Variants in FHIT observed in about 807,000 individuals in gnomAD.
FHIT encodes fragile histidine triad diadenosine triphosphatase.
FHIT carries 19 observed loss-of-function variants against 17.9 expected under a neutral mutation model. The ratio of observed to expected loss-of-function variants is 1.06; its 90% CI spans 0.74 to 1.56. The LOEUF (loss-of-function observed/expected upper bound fraction) is 1.56, where lower values mean the gene tolerates loss of function less well. FHIT is among the 40% of genes most tolerant of loss of function. FHIT has a pLI of 0.00. For synonymous variants in FHIT, 81 were observed against 69.7 expected (o/e 1.16, Z -0.81); for missense variants, 248 against 189.2 (o/e 1.31, Z -1.82).
chr3:61,181,941 G>A (rs2038357374), intron 2 of FHIT, among the ~76,000 whole-genome samples: 1 of 152,080 alleles, frequency 6.6e-6, no homozygotes, highest in African/African-American at 2.4e-5. Context: ...TCTGGCTACT[G>A]GACATACCAA....
At chr3:60,016,133 C>A (rs947678527) in intron 5 of FHIT, among the ~76,000 whole-genome samples, 2 of 152,094 alleles carry the variant, frequency 1.3e-5, no homozygotes, top group Admixed American at 1.3e-4. Flanking sequence ...GGGATTATCT[C>A]CTCTGTCAAG....
rs183521665 is a variant in FHIT at position 60,287,972 on chromosome 3, G to C, written c.103+248888C>G. On this transcript the variant is annotated intron_variant, in intron 5 of 9. Coordinates refer to ENST00000492590, the MANE Select transcript of FHIT (RefSeq NM_002012.4). ...CCATAAATATTTAGTATCTTATACA[G>C]GTTCTGCAGGTCATGAAGTTTGAAG... is the stretch of plus-strand genomic sequence containing the variant. 7.3e-3 allele frequency among the ~76,000 whole-genome samples: 425 copies of C among 58,440 alleles called. 4 individuals are homozygous for C. Among genetic ancestry groups the C allele is most frequent in the African/African-American group, 0.028 (411 of 14,464 alleles). 38.3% of individuals were successfully genotyped at this position (58,440 alleles called of 152,430 possible). A position where few individuals can be genotyped will look rare whatever the true frequency, so the allele number is the denominator to read the frequency against.
At chr3:61,025,773 T>G (rs1466329483) in intron 3 of FHIT, among the ~76,000 whole-genome samples, 1 of 152,112 alleles carries the variant, frequency 6.6e-6, no homozygotes, top group Non-Finnish European at 1.5e-5. Context: ...AGGGAAAAAC[T>G]GGAATAATAG....
At chr3:60,683,390 C>T (rs373566996) in intron 4 of FHIT, among the ~76,000 whole-genome samples, 2 of 152,084 alleles carry the variant, frequency 1.3e-5, no homozygotes, top group African/African-American at 4.8e-5. Context: ...CACTTCTGCC[C>T]TCAACAACCA....
chr3:60,793,889 G>C (rs57729745), intron 4 of FHIT, among the ~76,000 whole-genome samples: 1 of 152,268 alleles, frequency 6.6e-6, no homozygotes, highest in African/African-American at 2.4e-5. Context: ...GACCATTGCC[G>C]AAGCAGCCAT....
chr3:60,052,557 C>T (rs1007005870), intron 5 of FHIT, among the ~76,000 whole-genome samples: 2 of 151,950 alleles, frequency 1.3e-5, no homozygotes, highest in Admixed American at 6.6e-5. Flanking sequence ...TCCTAGAAAT[C>T]GATCTGTCAT....
chr3:60,173,918 T>TATATATATA (rs375142735), intron 5 of FHIT, among the ~76,000 whole-genome samples: 16 of 46,848 alleles, frequency 3.4e-4, no homozygotes, highest in Non-Finnish European at 4.6e-4. Context: ...TATATATATG[T>TATATATATA]TTTTTTTTTT....
chr3:60,496,852 G>A (rs544978360), intron 5 of FHIT, among the ~76,000 whole-genome samples: 6 of 152,138 alleles, frequency 3.9e-5, no homozygotes, highest in East Asian at 1.9e-4. Context: ...AAACAATGCC[G>A]AGTAAAAGAA....
At chr3:60,176,957 AG>A (rs1445561285) in intron 5 of FHIT, among the ~76,000 whole-genome samples, 1 of 152,174 alleles carries the variant, frequency 6.6e-6, no homozygotes, top group Non-Finnish European at 1.5e-5. Context: ...GCAAGGAGAA[AG>A]GCCAGAAATC....
At chr3:60,506,976 A>C (rs1278172400) in intron 5 of FHIT, among the ~76,000 whole-genome samples, 1 of 152,174 alleles carries the variant, frequency 6.6e-6, no homozygotes, top group Non-Finnish European at 1.5e-5. Context: ...CATAGTGCTG[A>C]AGTTACTATA....
chr3:60,534,241 C>A (rs1372514435), intron 5 of FHIT, among the ~76,000 whole-genome samples: 2 of 144,850 alleles, frequency 1.4e-5, no homozygotes. Flanking sequence ...TCCTGGCTAA[C>A]AAGGTGAAAC....
At chr3:60,452,446 A>G (rs1000253269) in intron 5 of FHIT, among the ~76,000 whole-genome samples, 2 of 152,208 alleles carry the variant, frequency 1.3e-5, no homozygotes, top group Non-Finnish European at 2.9e-5. Flanking sequence ...GTAATTATTA[A>G]GAAAGGATTC....
At chr3:60,222,055 T>C (rs1210576434) in intron 5 of FHIT, among the ~76,000 whole-genome samples, 1 of 152,172 alleles carries the variant, frequency 6.6e-6, no homozygotes, top group Non-Finnish European at 1.5e-5. Flanking sequence ...AGGCAGTAAG[T>C]GCTCAAAAAT....
chr3:59,945,540 T>C (rs747310662), intron 7 of FHIT, among the ~76,000 whole-genome samples: 74 of 116,740 alleles, frequency 6.3e-4, no homozygotes, highest in Non-Finnish European at 1.1e-3. Flanking sequence ...TCCATTTGTC[T>C]TTTTTTTTTT....
At chr3:60,106,652 G>C (rs958865016) in intron 5 of FHIT, among the ~76,000 whole-genome samples, 1 of 152,178 alleles carries the variant, frequency 6.6e-6, no homozygotes, top group African/African-American at 2.4e-5. Context: ...GCCAAGGACA[G>C]TGCTGCTTCC....
At chr3:61,243,114 G>A (rs1476068074) in intron 1 of FHIT, among the ~76,000 whole-genome samples, 1 of 152,174 alleles carries the variant, frequency 6.6e-6, no homozygotes, top group Non-Finnish European at 1.5e-5. Context: ...GAATGAACGA[G>A]GACAGCTTGG....
chr3:60,630,954 AAACAC>A (rs782346255), intron 4 of FHIT, among the ~76,000 whole-genome samples: 12 of 112,700 alleles, frequency 1.1e-4, no homozygotes, highest in Non-Finnish European at 1.5e-4. Flanking sequence ...AAAAAAAAAA[AAACAC>A]ACAGAAATAA....
intron 5 of FHIT, among the ~76,000 whole-genome samples, chr3:60,352,081 T>C (rs370277150): frequency 6.6e-6 from 1 of 152,200 alleles, no homozygotes; most frequent in African/African-American, 2.4e-5. Context: ...ACCATGGCTC[T>C]CATTTTTGTA....
intron 5 of FHIT, among the ~76,000 whole-genome samples, chr3:60,149,268 A>C (rs4679640): frequency 0.93 from 141,423 of 152,054 alleles, 65,860 homozygotes; most frequent in East Asian, 0.99. Context: ...ACTAGAACTC[A>C]AAGAGAGAAT....
Sources: allele counts gnomAD v4.1 joint callset (sites outside exome capture counted in the v4.1 genomes callset), GRCh38; gene constraint gnomAD v4.1.1; transcripts MANE v1.5; gene names NCBI Gene and HGNC (gene_info 2026-07-23, HGNC 2026-07-21).